CRYAB: variants seen among roughly 807,000 people sequenced by gnomAD.
The protein encoded by CRYAB is alpha-crystallin B chain.
In CRYAB, 9 loss-of-function variants were observed where a neutral mutation model predicts 12.7. The observed-to-expected ratio is 0.71, with a 90% CI of 0.43 to 1.24. The LOEUF is 1.24. Among genes scored for constraint, CRYAB ranks in the 50% most tolerant of loss-of-function variants. The pLI is 0.00. For synonymous variants in CRYAB, 93 were observed against 86.8 expected (o/e 1.07, Z -0.40); for missense variants, 183 against 226.6 (o/e 0.81, Z 1.24).
upstream of CRYAB, among the ~76,000 whole-genome samples, chr11:111,915,844 G>A (rs6589253): frequency 0.059 from 8,932 of 152,206 alleles, 844 homozygotes; most frequent in African/African-American, 0.2. Flanking sequence ...CCTTGCTCAA[G>A]CAATCCTCCT....
chr11:111,918,828 G>A, intron 1 of CRYAB: 1 of 830,318 alleles, frequency 1.2e-6, no homozygotes, highest in South Asian at 1.4e-5. Flanking sequence ...TCCAGCAGGT[G>A]GCTTCAAAAG....
upstream of CRYAB, chr11:111,912,807 G>A: frequency 6.3e-7 from 1 of 1,574,932 alleles, no homozygotes; most frequent in Non-Finnish European, 8.6e-7. Flanking sequence ...CCTCGGACCA[G>A]GGCTTCTGCT....
chr11:111,911,396 A>AT, intron 1 of CRYAB, 128 bp downstream of exon 1: 1 of 928,820 alleles, frequency 1.1e-6, no homozygotes, highest in Non-Finnish European at 1.7e-6. Flanking sequence ...CAACCTCCTC[A>AT]TTTTTCTTCA....
intron 1 of CRYAB, among the ~76,000 whole-genome samples, chr11:111,920,445 C>G (rs1007330250): frequency 6.6e-6 from 1 of 151,488 alleles, no homozygotes. Context: ...AGCTAAGGCA[C>G]GAGAATCCCT....
intron 1 of CRYAB, among the ~76,000 whole-genome samples, chr11:111,921,564 C>T (rs587673250): frequency 6.6e-6 from 1 of 152,268 alleles, no homozygotes; most frequent in East Asian, 1.9e-4. Context: ...ATAAAGCACC[C>T]TTTAAACTCT....
At chr11:111,918,977 GA>G in intron 1 of CRYAB, 1 of 1,614,110 alleles carries the variant, frequency 6.2e-7, no homozygotes, top group Middle Eastern at 1.6e-4. Flanking sequence ...AGCGCCATGG[GA>G]AACCGGGTCT....
At chr11:111,913,703 C>T (rs782456306), upstream of CRYAB, 16 of 1,614,194 alleles carry the variant, frequency 9.9e-6, no homozygotes, top group Non-Finnish European at 1.2e-5. Flanking sequence ...AGTTCTGCCG[C>T]ACCTATGTCC....
upstream of CRYAB, chr11:111,913,074 C>A (rs530400791): frequency 9.2e-6 from 6 of 655,688 alleles, no homozygotes; most frequent in African/African-American, 1.1e-4. Flanking sequence ...CTCATCCCCT[C>A]CAAGCAGAGA....
At chr11:111,916,271 C>T (rs1247081019), upstream of CRYAB, among the ~76,000 whole-genome samples, 1 of 151,400 alleles carries the variant, frequency 6.6e-6, no homozygotes, top group East Asian at 1.9e-4. Context: ...TCTCTGTCAC[C>T]GAGGCTGGGT....
chr11:111,914,145 A>T, upstream of CRYAB: 2 of 441,672 alleles, frequency 4.5e-6, no homozygotes, highest in Non-Finnish European at 8.1e-6. Context: ...ATGGGGAGGG[A>T]GGGAGGAGGT....
intron 1 of CRYAB, among the ~76,000 whole-genome samples, chr11:111,921,877 G>A (rs1276678555): frequency 6.6e-6 from 1 of 151,492 alleles, no homozygotes; most frequent in Non-Finnish European, 1.5e-5. Context: ...TTATCTCCCA[G>A]TATGGAGTGC....
intron 1 of CRYAB, chr11:111,918,938 TAAAA>T (rs1965640698): frequency 6.2e-7 from 1 of 1,613,814 alleles, no homozygotes; most frequent in Non-Finnish European, 8.5e-7. Context: ...TCTTGATGCA[TAAAA>T]ACAGCTGGGC....
Position 111,910,361 on chromosome 11 carries a change from A to T in CRYAB, c.290T>A (p.Val97Glu). 1 of 1,614,220 alleles carries T rather than the reference A, an allele frequency of 6.2e-7. No individual in the cohort carries two copies. Among genetic ancestry groups the T allele is most frequent in the Non-Finnish European group, 8.5e-7 (1 of 1,180,042 alleles). The change falls in exon 2 of 3, where the codon GTG becomes GAG. Residue 97 changes from valine to glutamate, a missense_variant. Val to Glu is a moderately radical substitution (Grantham distance 121). This residue lies in a region of CRYAB where 95 missense variants were observed against 112.5 expected (regional missense o/e 0.84). Coordinates refer to ENST00000650687, the MANE Select transcript of CRYAB (RefSeq NM_001289808.2). ...TTCATGTTTTCCATGCACCTCAATC[A>T]CATCTCCCAACACCTTAACTTTGAG... The part of the protein sequence containing the change: ...EELKVKVLGD[V>E]IEVHGKHEER...
rs372077620 is a variant in CRYAB at position 111,920,011 on chromosome 11, C to T, written c.-199+3692G>A. Among the ~76,000 whole-genome samples, 4 of 151,774 alleles carry T rather than the reference C, an allele frequency of 2.6e-5. No individual in the cohort carries two copies. In the East Asian group the frequency reaches 5.9e-4, roughly 22 times the overall value. On this transcript the variant is annotated intron_variant, in intron 1 of 3. Coordinates refer to the CRYAB transcript ENST00000527950. ...GAGATCGAGACCATCCTGGCTAACA[C>T]GGTGAAACCCCATCTCTACTGAAAA...
intron 1 of CRYAB, chr11:111,919,096 C>A: frequency 7.0e-7 from 1 of 1,425,996 alleles, no homozygotes. Context: ...TAGTTGTCTG[C>A]CAGCCTCCCA....
At chr11:111,911,835 G>C (rs1848927566), upstream of CRYAB, 2 of 752,856 alleles carry the variant, frequency 2.7e-6, no homozygotes, top group Admixed American at 4.6e-5. Flanking sequence ...GGTGATGTCA[G>C]GGGTTTTATT....
intron 1 of CRYAB, among the ~76,000 whole-genome samples, chr11:111,921,644 C>A (rs1375318267): frequency 6.6e-6 from 1 of 152,180 alleles, no homozygotes; most frequent in African/African-American, 2.4e-5. Flanking sequence ...GTAACAGCTT[C>A]TTTTATTCTC....
At chr11:111,919,273 G>A (rs1965648903) in intron 1 of CRYAB, 1 of 461,788 alleles carries the variant, frequency 2.2e-6, no homozygotes. Context: ...AGTAGATCGA[G>A]ACCATCCTAG....
At chr11:111,922,616 T>C (rs1450553278) in intron 1 of CRYAB, among the ~76,000 whole-genome samples, 2 of 152,226 alleles carry the variant, frequency 1.3e-5, no homozygotes, top group African/African-American at 4.8e-5. Flanking sequence ...TTTTCCATGA[T>C]GTTCGGTGTT....
Sources: allele counts gnomAD v4.1 joint callset (sites outside exome capture counted in the v4.1 genomes callset), GRCh38; gene constraint gnomAD v4.1.1; regional missense constraint gnomAD v4.1.1; transcripts MANE v1.5; gene names NCBI Gene and HGNC (gene_info 2026-07-23, HGNC 2026-07-21).